OR5B3: variants seen among roughly 807,000 people sequenced by gnomAD.
OR5B3 encodes the protein olfactory receptor family 5 subfamily B member 3.
For missense variants in OR5B3, 430 were observed against 375.4 expected (o/e 1.15, Z -1.20); for synonymous variants, 150 against 135.0 (o/e 1.11, Z -0.77).
chr11:58,402,744 G>A lies in OR5B3; in HGVS notation c.666C>T (p.Thr222=), dbSNP rs755028935. ...CTGAAGCTGAGTGCATCTTTAGGATGGTGATAAAAATGAATGTGTAGGATA... is the reference window on the plus strand; with the variant it reads ...CTGAAGCTGAGTGCATCTTTAGGATAGTGATAAAAATGAATGTGTAGGATA... ...ILISYTFIFI[T]ILKMHSASVY... The change falls in exon 2 of 2, where the codon ACC becomes ACT. Residue 222 remains threonine, a synonymous_variant. Coordinates refer to ENST00000641865, the MANE Select transcript of OR5B3 (RefSeq NM_001005469.2). 6.2e-7 allele frequency: 1 copy of A among 1,613,684 alleles called. No individual in the cohort carries two copies. The highest frequency in any genetic ancestry group is 1.7e-5 in the Admixed American group (1 of 59,890).
intron 1 of OR5B3, among the ~76,000 whole-genome samples, chr11:58,403,813 T>C (rs1011108463): frequency 1.3e-5 from 2 of 152,194 alleles, no homozygotes; most frequent in African/African-American, 4.8e-5. Flanking sequence ...AAGATATATA[T>C]TCATTATTTC....
At position 58,402,607 on chromosome 11, in the gene OR5B3, G is replaced by T. The variant is rs764947460; in HGVS notation, c.803C>A (p.Thr268Lys). The T allele has an allele frequency of 5.0e-6, 8 of 1,613,836 alleles. No individual in the cohort carries two copies. The East Asian group carries it at 1.1e-4, about 22-fold the overall frequency. ...LQPSSSHSMD[T>K]DKMAPVFYTM... ...ATAGAACACAGGTGCCATTTTGTCT[G>T]TGTCCATGGAGTGACTGGAGCTGGG... The change falls in exon 2 of 2, where the codon ACA becomes AAA. Residue 268 changes from threonine to lysine, a missense_variant. By Grantham distance (78) the Thr-to-Lys change is moderately conservative. Transcript: ENST00000641865.
At chr11:58,404,639 C>T (rs1161938131) in intron 1 of OR5B3, among the ~76,000 whole-genome samples, 1 of 151,912 alleles carries the variant, frequency 6.6e-6, no homozygotes, top group African/African-American at 2.4e-5. Context: ...TCACATGAGC[C>T]TTTCTTTTTC....
Position 58,405,913 on chromosome 11 carries a change from G to GA in OR5B3, c.-27+887dup, listed in dbSNP as rs922694142. ...ACACCATGGAATACTACACAGCCAT[G>GA]AAAAAAAGAATGAAATCAGGAATAA... On this transcript the variant is annotated intron_variant, in intron 1 of 1. Coordinates refer to ENST00000641865, the MANE Select transcript of OR5B3 (RefSeq NM_001005469.2). Among the ~76,000 whole-genome samples, 26 of 152,148 alleles carry GA rather than the reference G, an allele frequency of 1.7e-4. No individual in the cohort carries two copies. In the East Asian group the frequency reaches 3.7e-3, roughly 21 times the overall value.
rs187897869 is a variant in OR5B3, at chr11:58,402,493, G to A, written c.917C>T (p.Ala306Val). 1 of 1,610,368 alleles carries A rather than the reference G, an allele frequency of 6.2e-7. No homozygotes were observed. Among genetic ancestry groups the A allele is most frequent in the Non-Finnish European group, 8.5e-7 (1 of 1,176,674 alleles). Residue 306 changes from alanine to valine, a missense_variant, in exon 2 of 2, where the codon GCA (alanine) becomes GTA (valine). Transcript: ENST00000641865. ...AACTGACCATCCTACAGACAATTTT[G>A]CCTTCTCAACAACTTTCTTGAATGC... The part of the protein sequence containing the change: ...KSAFKKVVEK[A>V]KLSVGWSV
Position 58,403,112 on chromosome 11 carries a change from A to G in OR5B3, c.298T>C (p.Tyr100His), listed in dbSNP as rs1361762773. 1 of 1,614,010 alleles carries G rather than the reference A, an allele frequency of 6.2e-7. No individual in the cohort carries two copies. The highest frequency in any genetic ancestry group is 1.7e-5 in the Admixed American group (1 of 59,990). The change falls in exon 2 of 2, where the codon TAT (tyrosine) becomes CAT (histidine). Residue 100 changes from tyrosine (Y) to histidine (H), a missense_variant. Physicochemically the swap from Tyr to His is moderately conservative, Grantham distance 83. Transcript: ENST00000641865. ...ACAGTGGCAAAAGCTACAAAGATAT[A>G]CATTTGAGCAGCACATGCATTGTAA... is the stretch of plus-strand genomic sequence containing the variant. ...ISYNACAAQM[Y>H]IFVAFATVEN...
At chr11:58,404,884 A>G (rs148508335) in intron 1 of OR5B3, among the ~76,000 whole-genome samples, 46 of 152,190 alleles carry the variant, frequency 3.0e-4, no homozygotes, top group Non-Finnish European at 6.2e-4. Flanking sequence ...TTTAGTATTT[A>G]TTTATTTTAA....
At chr11:58,403,456 A>G (rs1454579849) in intron 1 of OR5B3, 21 bp from the exon 2 acceptor site, 2 of 960,958 alleles carry the variant, frequency 2.1e-6, no homozygotes, top group African/African-American at 3.3e-5. Flanking sequence ...TACAAAAAAG[A>G]ACAGTGTGAT....
Position 58,403,332 on chromosome 11 carries a change from A to G in OR5B3, c.78T>C (p.Phe26=). ...TAATATAGATGAAGGGGAACGTTATAAAGAGGGGAACCTGCAGTTCTGAGT... is the reference window on the plus strand; with the variant it reads ...TAATATAGATGAAGGGGAACGTTATGAAGAGGGGAACCTGCAGTTCTGAGT... ...TNDSELQVPL[F]ITFPFIYIIT... The change falls in exon 2 of 2, where the codon TTT becomes TTC. Residue 26 remains phenylalanine (F), a synonymous_variant. Coordinates refer to ENST00000641865, the MANE Select transcript of OR5B3 (RefSeq NM_001005469.2). The G allele has an allele frequency of 6.2e-7, 1 of 1,612,914 alleles. No individual in the cohort carries two copies. The highest frequency in any genetic ancestry group is 1.3e-5 in the African/African-American group (1 of 75,020).
intron 1 of OR5B3, among the ~76,000 whole-genome samples, chr11:58,404,187 A>G (rs951936092): frequency 6.6e-6 from 1 of 151,944 alleles, no homozygotes; most frequent in Non-Finnish European, 1.5e-5. Flanking sequence ...ATCACCAAAC[A>G]GAGCAGATAC....
chr11:58,405,171 A>G (rs1011701500), intron 1 of OR5B3, among the ~76,000 whole-genome samples: 1 of 152,106 alleles, frequency 6.6e-6, no homozygotes, highest in African/African-American at 2.4e-5. Context: ...TTCTTGTGTT[A>G]CTTTGCTTAA....
intron 1 of OR5B3, among the ~76,000 whole-genome samples, chr11:58,404,015 A>G (rs1369666243): frequency 1.3e-5 from 2 of 152,190 alleles, no homozygotes; most frequent in African/African-American, 4.8e-5. Flanking sequence ...ATCAAATTGA[A>G]TACAACTGTA....
rs1257426829 is a variant in OR5B3, at chr11:58,403,243, G to C, written c.167C>G (p.Pro56Arg). Reference protein sequence around the residue: ...LIFWDSCLHNPMYFFLSNLSL... With the variant: ...LIFWDSCLHNRMYFFLSNLSL... Reference sequence around the variant, plus strand: ...CAAGTTACTGAGAAAAAAGTACATGGGATTGTGGAGACAGGAATCCCAGAA... The same window carrying C: ...CAAGTTACTGAGAAAAAAGTACATGCGATTGTGGAGACAGGAATCCCAGAA... The change falls in exon 2 of 2, where the codon CCC becomes CGC. Residue 56 changes from proline (P) to arginine (R), a missense_variant. Pro to Arg is a moderately radical substitution (Grantham distance 103). Coordinates refer to ENST00000641865, the MANE Select transcript of OR5B3 (RefSeq NM_001005469.2). The C allele has an allele frequency of 6.2e-7, 1 of 1,613,898 alleles. No individual in the cohort carries two copies. The highest frequency in any genetic ancestry group is 8.5e-7 in the Non-Finnish European group (1 of 1,179,876).
chr11:58,406,321 C>A (rs1855099706), intron 1 of OR5B3, among the ~76,000 whole-genome samples: 1 of 152,084 alleles, frequency 6.6e-6, no homozygotes, highest in African/African-American at 2.4e-5. Flanking sequence ...TTAAATCCAT[C>A]TTCAATCTAA....
rs751839371 is a variant in OR5B3, at chr11:58,402,742, A to T, written c.668T>A (p.Ile223Asn). The T allele has an allele frequency of 1.2e-6, 2 of 1,613,916 alleles. No homozygotes were observed. The highest frequency in any genetic ancestry group is 2.2e-5 in the South Asian group (2 of 91,084). Residue 223 changes from isoleucine to asparagine, a missense_variant, in exon 2 of 2, where the codon ATC (isoleucine) becomes AAC (asparagine). Transcript: ENST00000641865. ...LISYTFIFIT[I>N]LKMHSASVYQ... ...TACTGAAGCTGAGTGCATCTTTAGG[A>T]TGGTGATAAAAATGAATGTGTAGGA... is the stretch of plus-strand genomic sequence containing the variant.
At chr11:58,406,432 A>C (rs7114539) in intron 1 of OR5B3, among the ~76,000 whole-genome samples, 48,658 of 151,734 alleles carry the variant, frequency 0.32, 7,870 homozygotes, top group Non-Finnish European at 0.36. Context: ...ATAGCTCGTT[A>C]ATTCATTTAA....
In OR5B3 at chr11:58,402,893, G is replaced by A; in HGVS notation, c.517C>T (p.His173Tyr). The A allele has an allele frequency of 6.2e-7, 1 of 1,613,962 alleles. No individual in the cohort carries two copies. The highest frequency in any genetic ancestry group is 8.5e-7 in the Non-Finnish European group (1 of 1,179,862). ...SLSFCKSNEV[H>Y]HFFCDIPAVM... ...GCTGGAATATCACAGAAAAAGTGAT[G>A]GACTTCATTGGACTTACAGAAAGAG... Residue 173 changes from histidine (H) to tyrosine (Y), a missense_variant, in exon 2 of 2, where the codon CAT (histidine) becomes TAT (tyrosine). Coordinates refer to ENST00000641865, the MANE Select transcript of OR5B3 (RefSeq NM_001005469.2).
At chr11:58,403,582 T>C (rs1855065340) in intron 1 of OR5B3, 147 bp from the exon 2 acceptor site, 3 of 510,646 alleles carry the variant, frequency 5.9e-6, no homozygotes, top group East Asian at 2.9e-5. Flanking sequence ...CCAAATGCAG[T>C]GCATTAATTA....
Position 58,403,304 on chromosome 11 carries a change from T to C in OR5B3, c.106A>G (p.Thr36Ala). 6.2e-7 allele frequency: 1 copy of C among 1,612,292 alleles called. No homozygotes were observed. Residue 36 changes from threonine to alanine, a missense_variant, in exon 2 of 2, where the codon ACT becomes GCT. Physicochemically the swap from Thr to Ala is moderately conservative, Grantham distance 58. Coordinates refer to ENST00000641865, the MANE Select transcript of OR5B3 (RefSeq NM_001005469.2). ...ATAATTCCCAGGTTTCCAACCAGAG[T>C]GATAATATAGATGAAGGGGAACGTT... Reference protein sequence around the residue: ...FITFPFIYIITLVGNLGIIVL... With the variant: ...FITFPFIYIIALVGNLGIIVL...
Sources: allele counts gnomAD v4.1 joint callset (sites outside exome capture counted in the v4.1 genomes callset), GRCh38; gene constraint gnomAD v4.1.1; transcripts MANE v1.5; gene names NCBI Gene and HGNC (gene_info 2026-07-23, HGNC 2026-07-21).